SLC22A25: variants seen among roughly 807,000 people sequenced by gnomAD.
SLC22A25 encodes solute carrier family 22 member 25.
A neutral mutation model predicts 45.9 loss-of-function variants in SLC22A25; 44 were observed. That is an observed-to-expected ratio of 0.96 (90% CI 0.75 to 1.23). SLC22A25 has a LOEUF of 1.23. Ranked by LOEUF, SLC22A25 falls within the 50% of genes most tolerant of loss-of-function variation. The pLI, the probability that SLC22A25 is intolerant of heterozygous loss-of-function variation, is 0.00. For synonymous variants in SLC22A25, 283 were observed against 238.6 expected (o/e 1.19, Z -1.72); for missense variants, 800 against 666.4 (o/e 1.20, Z -2.21).
chr11:63,221,915 C>A (rs1199567101), intron 5 of SLC22A25, among the ~76,000 whole-genome samples: 1 of 151,914 alleles, frequency 6.6e-6, no homozygotes, highest in East Asian at 1.9e-4. Context: ...GTTTTTGGCA[C>A]CTTTGTTGAT....
chr11:63,194,288 C>A (rs2088922410), intron 7 of SLC22A25, among the ~76,000 whole-genome samples: 1 of 152,108 alleles, frequency 6.6e-6, no homozygotes, highest in Non-Finnish European at 1.5e-5. Flanking sequence ...AGCAGGCCAA[C>A]ATTCAAATTC....
In SLC22A25 at chr11:63,163,944, A is replaced by G. The variant is rs1183665869; in HGVS notation, c.1524T>C (p.Ser508=). 1 of 1,613,906 alleles carries G rather than the reference A, an allele frequency of 6.2e-7. No individual in the cohort carries two copies. Among genetic ancestry groups the G allele is most frequent in the Admixed American group, 1.7e-5 (1 of 59,992 alleles). Residue 508 remains serine (S), a synonymous_variant, in exon 12 of 12, where the codon TCT becomes TCC. Coordinates refer to ENST00000306494, the MANE Select transcript of SLC22A25 (RefSeq NM_199352.6). ...WIIYGVFAIL[S]GLVVLLLPET... ...CAGGAAGGAGGAGGACAACAAGGCC[A>G]GAGAGGATGGCAAAGACTCCATAGA... is the stretch of plus-strand genomic sequence containing the variant.
At chr11:63,194,324 A>T (rs760175337) in intron 7 of SLC22A25, among the ~76,000 whole-genome samples, 2 of 152,172 alleles carry the variant, frequency 1.3e-5, no homozygotes, top group Non-Finnish European at 2.9e-5. Context: ...CGCCACAAAG[A>T]TACTCCTCAA....
At position 63,217,310 on chromosome 11, in the gene SLC22A25, A is replaced by G; in HGVS notation, c.830+4T>C. 1 of 1,612,642 alleles carries G rather than the reference A, an allele frequency of 6.2e-7. No homozygotes were observed. The highest frequency in any genetic ancestry group is 8.5e-7 in the Non-Finnish European group (1 of 1,179,418). The stretch of plus-strand genomic sequence containing the variant: ...ATGGCAAAAGAAGAATGCAAGCTCA[A>G]TACCTTGAGAACAGAAAGAAGACAA... On this transcript the variant is annotated splice_donor_region_variant and intron_variant, in intron 7 of 11. Coordinates refer to ENST00000306494, the MANE Select transcript of SLC22A25 (RefSeq NM_199352.6).
chr11:63,224,097 CT>C (rs1565119748), intron 5 of SLC22A25, among the ~76,000 whole-genome samples: 1 of 152,054 alleles, frequency 6.6e-6, no homozygotes, highest in Non-Finnish European at 1.5e-5. Context: ...CTATCTCTCT[CT>C]TTGATATGTA....
intron 7 of SLC22A25, among the ~76,000 whole-genome samples, chr11:63,207,925 C>T (rs112381353): frequency 0.01 from 1,532 of 152,240 alleles, 11 homozygotes; most frequent in African/African-American, 0.023. Context: ...CCCTACCCCA[C>T]GAAATGCTTA....
intron 5 of SLC22A25, among the ~76,000 whole-genome samples, chr11:63,221,196 C>A (rs999780051): frequency 4.6e-5 from 7 of 152,088 alleles, no homozygotes; most frequent in African/African-American, 1.7e-4. Flanking sequence ...TTTGAGGAAC[C>A]TCCAAATTGT....
intron 7 of SLC22A25, among the ~76,000 whole-genome samples, chr11:63,198,412 C>T (rs1292836735): frequency 6.6e-6 from 1 of 152,068 alleles, no homozygotes; most frequent in Non-Finnish European, 1.5e-5. Flanking sequence ...GACTTCATAT[C>T]CTTTGTAGGA....
intron 9 of SLC22A25, among the ~76,000 whole-genome samples, chr11:63,176,695 T>C (rs1174113559): frequency 6.6e-6 from 1 of 152,034 alleles, no homozygotes; most frequent in Non-Finnish European, 1.5e-5. Flanking sequence ...ATGCTTTTAA[T>C]CTGTTTTTCT....
intron 4 of SLC22A25, among the ~76,000 whole-genome samples, 180 bp from the exon 5 acceptor site, chr11:63,228,744 C>T (rs888661034): frequency 6.6e-6 from 1 of 152,172 alleles, no homozygotes. Context: ...GGAAGCTATT[C>T]CTAAACTTTT....
chr11:63,186,604 C>T (rs542953604), intron 7 of SLC22A25, among the ~76,000 whole-genome samples: 1 of 152,260 alleles, frequency 6.6e-6, no homozygotes. Context: ...GTGTTTTAGA[C>T]ATGAAGTCCT....
chr11:63,174,617 TG>T lies in SLC22A25; in HGVS notation c.1070+6042del, dbSNP rs143576343. Among the ~76,000 whole-genome samples the T allele has an allele frequency of 7.7e-3, 1,171 of 152,252 alleles. 17 individuals are homozygous for T. The highest frequency in any genetic ancestry group is 0.026 in the African/African-American group (1,064 of 41,576). ...TCAGATACTGAAATCCCAGTTTAGC[TG>T]GGAACTCTCAAAACACCTATTTACT... On this transcript the variant is annotated intron_variant, in intron 9 of 11. Coordinates refer to ENST00000306494, the MANE Select transcript of SLC22A25 (RefSeq NM_199352.6).
chr11:63,243,147 C>T (rs1372229647), intron 1 of SLC22A25: 1 of 191,910 alleles, frequency 5.2e-6, no homozygotes, highest in Non-Finnish European at 1.1e-5. Flanking sequence ...GCAACCTACT[C>T]CAAGTTGACC....
At chr11:63,190,226 T>C (rs2088750709) in intron 7 of SLC22A25, among the ~76,000 whole-genome samples, 1 of 152,224 alleles carries the variant, frequency 6.6e-6, no homozygotes, top group African/African-American at 2.4e-5. Flanking sequence ...CCATATTTCC[T>C]GGAGGCTTTT....
rs530171220 is a variant in SLC22A25 at position 63,160,254 on chromosome 11, G to A, written c.*3570C>T. Among the ~76,000 whole-genome samples the A allele has an allele frequency of 1.3e-5, 2 of 152,226 alleles. No homozygotes were observed. The highest frequency in any genetic ancestry group is 2.1e-4 in the South Asian group (1 of 4,824). ...AGCCCTTCCTATCACAGGCCTGGAG[G>A]CCTAGGAGGTCCAGGTGCCCCTGCT... On this transcript the variant is annotated 3_prime_UTR_variant, in exon 12 of 12. Coordinates refer to ENST00000306494, the MANE Select transcript of SLC22A25 (RefSeq NM_199352.6).
At chr11:63,238,125 T>C (rs1289413729) in intron 2 of SLC22A25, 113 bp from the exon 3 acceptor site, 1 of 152,232 alleles carries the variant, frequency 6.6e-6, no homozygotes, top group African/African-American at 2.4e-5. Flanking sequence ...AGCAGGCCTC[T>C]ATCTTCCTCT....
chr11:63,217,753 A>G lies in SLC22A25; in HGVS notation c.507-18T>C, dbSNP rs1393072666. The stretch of plus-strand genomic sequence containing the variant: ...TCCCAAACCTGAGAAACAGGGGCAC[A>G]TTAGATAATGGGAACAATAACAACC... On this transcript the variant is annotated intron_variant, in intron 5 of 11. Coordinates refer to ENST00000306494, the MANE Select transcript of SLC22A25 (RefSeq NM_199352.6). 6.3e-7 allele frequency: 1 copy of G among 1,591,494 alleles called. No individual in the cohort carries two copies. Among genetic ancestry groups the G allele is most frequent in the Non-Finnish European group, 8.5e-7 (1 of 1,172,558 alleles).
chr11:63,194,541 C>T (rs2088932863), intron 7 of SLC22A25, among the ~76,000 whole-genome samples: 1 of 151,994 alleles, frequency 6.6e-6, no homozygotes, highest in Non-Finnish European at 1.5e-5. Flanking sequence ...ATCAGGCCTG[C>T]CCTAAAAGAG....
At chr11:63,214,276 T>C (rs553142664) in intron 7 of SLC22A25, among the ~76,000 whole-genome samples, 1 of 152,312 alleles carries the variant, frequency 6.6e-6, no homozygotes, top group South Asian at 2.1e-4. Context: ...TACTGCGCAG[T>C]TGATAGCATT....
Sources: allele counts gnomAD v4.1 joint callset (sites outside exome capture counted in the v4.1 genomes callset), GRCh38; gene constraint gnomAD v4.1.1; transcripts MANE v1.5; gene names NCBI Gene and HGNC (gene_info 2026-07-23, HGNC 2026-07-21).